AHI1: variants seen among roughly 807,000 people sequenced by gnomAD.
AHI1 encodes Abelson helper integration site 1.
AHI1 carries 123 observed loss-of-function variants against 149.3 expected under a neutral mutation model. The observed-to-expected ratio is 0.82, with a 90% CI of 0.71 to 0.96. The LOEUF is 0.96. Ranked by LOEUF, AHI1 falls within the 40% of genes least tolerant of loss-of-function variation. AHI1 has a pLI of 0.00. For missense variants in AHI1, 1,439 were observed against 1,422.7 expected (o/e 1.01, Z -0.18); for synonymous variants, 475 against 459.8 (o/e 1.03, Z -0.42).
At chr6:135,322,239 G>C (rs1472473276) in intron 25 of AHI1, among the ~76,000 whole-genome samples, 1 of 152,220 alleles carries the variant, frequency 6.6e-6, no homozygotes, top group East Asian at 1.9e-4. Context: ...GCTGAGGTTA[G>C]AAGTCAGTTT....
At chr6:135,376,295 AAG>A (rs1473321716) in intron 23 of AHI1, among the ~76,000 whole-genome samples, 1 of 152,186 alleles carries the variant, frequency 6.6e-6, no homozygotes, top group Non-Finnish European at 1.5e-5. Flanking sequence ...AGAACAAAGG[AAG>A]GTTGGGAACA....
chr6:135,434,568 T>C (rs1470212111), intron 15 of AHI1, among the ~76,000 whole-genome samples: 1 of 151,946 alleles, frequency 6.6e-6, no homozygotes, highest in Non-Finnish European at 1.5e-5. Context: ...CAGCTCAATA[T>C]AATTAAAACA....
chr6:135,378,417 T>C (rs1436120356), intron 23 of AHI1, among the ~76,000 whole-genome samples: 1 of 152,248 alleles, frequency 6.6e-6, no homozygotes, highest in Non-Finnish European at 1.5e-5. Context: ...AAGAGTTGCC[T>C]ACAATTTTTA....
At chr6:135,314,065 T>A (rs2128369808) in intron 26 of AHI1, among the ~76,000 whole-genome samples, 1 of 152,350 alleles carries the variant, frequency 6.6e-6, no homozygotes, top group South Asian at 2.1e-4. Context: ...CATTAAAGGT[T>A]TTTATGTTGT....
chr6:135,358,190 G>C lies in AHI1; in HGVS notation c.3110-3C>G. 1 of 1,611,110 alleles carries C rather than the reference G, an allele frequency of 6.2e-7. No individual in the cohort carries two copies. The highest frequency in any genetic ancestry group is 8.5e-7 in the Non-Finnish European group (1 of 1,178,596). Reference sequence around the variant, plus strand: ...CTTTCTTTCTATGCTGATAATCCCTGTGGAAAGAAAACATTGTGAGTATTT... The same window carrying C: ...CTTTCTTTCTATGCTGATAATCCCTCTGGAAAGAAAACATTGTGAGTATTT... On this transcript the variant is annotated splice_polypyrimidine_tract_variant and splice_region_variant and intron_variant, in intron 23 of 28. Transcript: ENST00000265602.
intron 10 of AHI1, among the ~76,000 whole-genome samples, chr6:135,455,198 A>G (rs1204381245): frequency 6.6e-6 from 1 of 152,162 alleles, no homozygotes; most frequent in Non-Finnish European, 1.5e-5. Context: ...AGAAAATTAT[A>G]TAATAACAAC....
rs1454326990 is a variant in AHI1, at chr6:135,430,006, AT to A, written c.2374-7del. ...AACTCAGTTTCTTTAATTTCCTAAA[AT>A]GATTAAAAAAAATACTACTACTGAA... On this transcript the variant is annotated splice_region_variant and splice_polypyrimidine_tract_variant and intron_variant, in intron 17 of 28. Transcript: ENST00000265602. 2 of 1,460,176 alleles carry A rather than the reference AT, an allele frequency of 1.4e-6. No homozygotes were observed. Among genetic ancestry groups the A allele is most frequent in the East Asian group, 4.7e-5 (2 of 42,174 alleles). The allele number at this position is 1,460,176 out of a possible 1,614,324, so 90.5% of individuals were successfully genotyped here.
At chr6:135,342,225 A>C (rs1790481623) in intron 24 of AHI1, among the ~76,000 whole-genome samples, 1 of 151,996 alleles carries the variant, frequency 6.6e-6, no homozygotes, top group Non-Finnish European at 1.5e-5. Flanking sequence ...TCCTAGAAAG[A>C]TGCAACTTAA....
intron 24 of AHI1, among the ~76,000 whole-genome samples, chr6:135,348,064 T>TG (rs2128420928): frequency 6.6e-6 from 1 of 152,348 alleles, no homozygotes; most frequent in Non-Finnish European, 1.5e-5. Flanking sequence ...GTGACGGCCG[T>TG]GTGGCTATCT....
intron 5 of AHI1, among the ~76,000 whole-genome samples, chr6:135,473,275 T>A (rs538334693): frequency 1.3e-5 from 2 of 152,316 alleles, no homozygotes; most frequent in East Asian, 3.9e-4. Context: ...TTGAATCTAT[T>A]TCTATACCCT....
intron 5 of AHI1, chr6:135,489,964 A>C (rs975831535): frequency 4.8e-6 from 2 of 415,202 alleles, no homozygotes; most frequent in African/African-American, 4.1e-5. Flanking sequence ...AGGACAGAAG[A>C]GATAATGGTC....
chr6:135,371,249 A>G (rs1775012849), intron 23 of AHI1, among the ~76,000 whole-genome samples: 1 of 152,198 alleles, frequency 6.6e-6, no homozygotes, highest in Admixed American at 6.5e-5. Flanking sequence ...TCATTTGGTT[A>G]CAGTACTCTC....
Position 135,320,475 on chromosome 6 carries a change from G to T in AHI1, c.3329-1859C>A, listed in dbSNP as rs139299049. On this transcript the variant is annotated intron_variant, in intron 25 of 28. Coordinates refer to ENST00000265602, the MANE Select transcript of AHI1 (RefSeq NM_001134831.2). ...TTTTAAAAAAAATTTATCTTTTGTG[G>T]AGATGGAGTCTTGTTATATTGCCCA... 9.4e-3 allele frequency among the ~76,000 whole-genome samples: 1,434 copies of T among 152,264 alleles called. 11 individuals carry two copies. Among genetic ancestry groups the T allele is most frequent in the Non-Finnish European group, 0.015 (1,020 of 68,024 alleles).
intron 21 of AHI1, among the ~76,000 whole-genome samples, chr6:135,405,181 C>A (rs1016364984): frequency 6.6e-6 from 1 of 152,146 alleles, no homozygotes; most frequent in Non-Finnish European, 1.5e-5. Flanking sequence ...CTTGCCCAAA[C>A]AAATGGCACT....
intron 10 of AHI1, among the ~76,000 whole-genome samples, chr6:135,455,263 G>GC (rs1371543791): frequency 1.3e-5 from 2 of 152,088 alleles, no homozygotes; most frequent in East Asian, 1.9e-4. Context: ...CCACTGACCC[G>GC]CCACTAACCC....
At chr6:135,389,408 C>T (rs917220109) in intron 23 of AHI1, among the ~76,000 whole-genome samples, 1 of 151,796 alleles carries the variant, frequency 6.6e-6, no homozygotes, top group Admixed American at 6.6e-5. Context: ...ACCACAGTCA[C>T]TGAATAATTT....
At chr6:135,328,694 G>C (rs1788088157) in intron 24 of AHI1, among the ~76,000 whole-genome samples, 1 of 152,032 alleles carries the variant, frequency 6.6e-6, no homozygotes. Flanking sequence ...CAAATGAAAA[G>C]AGTTGCAAGT....
At chr6:135,399,060 T>G (rs1779659061) in intron 22 of AHI1, among the ~76,000 whole-genome samples, 1 of 152,130 alleles carries the variant, frequency 6.6e-6, no homozygotes, top group African/African-American at 2.4e-5. Flanking sequence ...AGTGCACACC[T>G]GTGGTCTCAG....
At chr6:135,427,833 G>A (rs562578325) in intron 19 of AHI1, among the ~76,000 whole-genome samples, 1 of 151,434 alleles carries the variant, frequency 6.6e-6, no homozygotes, top group African/African-American at 2.4e-5. Context: ...TGGAATCCAG[G>A]AAAATCAGTC....
Sources: allele counts gnomAD v4.1 joint callset (sites outside exome capture counted in the v4.1 genomes callset), GRCh38; gene constraint gnomAD v4.1.1; transcripts MANE v1.5; gene names NCBI Gene and HGNC (gene_info 2026-07-23, HGNC 2026-07-21).